The following PXDNL variants were observed in gnomAD, a reference collection of about 807,000 sequenced individuals.
The protein encoded by PXDNL is peroxidasin like.
PXDNL carries 145 observed loss-of-function variants against 150.8 expected under a neutral mutation model. The observed-to-expected ratio is 0.96, with a 90% CI of 0.84 to 1.10. PXDNL has a LOEUF of 1.10. Ranked by LOEUF, PXDNL falls within the 50% of genes least tolerant of loss-of-function variation. PXDNL has a pLI of 0.00. For missense variants in PXDNL, 2,087 were observed against 1,873.9 expected (o/e 1.11, Z -2.10); for synonymous variants, 757 against 725.7 (o/e 1.04, Z -0.69).
At chr8:51,589,790 A>G (rs1046874677) in intron 3 of PXDNL, among the ~76,000 whole-genome samples, 9 of 152,232 alleles carry the variant, frequency 5.9e-5, no homozygotes, top group Non-Finnish European at 8.8e-5. Context: ...ATTTATAATT[A>G]AAAGGTAAAA....
At chr8:51,578,003 A>AAAG (rs1813116462) in intron 3 of PXDNL, among the ~76,000 whole-genome samples, 32 of 62,842 alleles carry the variant, frequency 5.1e-4, no homozygotes, top group South Asian at 1.1e-3. Context: ...AAGAAAGAGG[A>AAAG]AGGAAGGAAG....
intron 4 of PXDNL, among the ~76,000 whole-genome samples, chr8:51,534,974 T>A (rs373829803): frequency 0.19 from 17,348 of 92,266 alleles, 1,371 homozygotes; most frequent in Admixed American, 0.27. Context: ...GGTGGGGGGG[T>A]CAGCCCCCCG....
At chr8:51,718,136 T>C (rs1329375510) in intron 1 of PXDNL, among the ~76,000 whole-genome samples, 2 of 152,010 alleles carry the variant, frequency 1.3e-5, no homozygotes, top group Middle Eastern at 3.2e-3. Context: ...TTGGAAGGAA[T>C]AGGAGCATGG....
intron 2 of PXDNL, among the ~76,000 whole-genome samples, chr8:51,615,906 C>T (rs545836160): frequency 2.0e-5 from 3 of 152,178 alleles, no homozygotes; most frequent in Non-Finnish European, 4.4e-5. Flanking sequence ...GAATGGCCAT[C>T]ACCACGGCAG....
chr8:51,391,913 G>C (rs1302701981), intron 17 of PXDNL, among the ~76,000 whole-genome samples: 1 of 152,158 alleles, frequency 6.6e-6, no homozygotes, highest in East Asian at 1.9e-4. Context: ...ATTAATTTTT[G>C]TATAAGGTGT....
intron 3 of PXDNL, among the ~76,000 whole-genome samples, chr8:51,577,325 C>A (rs187807341): frequency 6.6e-5 from 10 of 151,350 alleles, no homozygotes; most frequent in African/African-American, 2.2e-4. Flanking sequence ...TTCAGGAATA[C>A]AAAAGTAGTT....
intron 2 of PXDNL, among the ~76,000 whole-genome samples, chr8:51,606,127 A>G (rs1291714295): frequency 6.6e-6 from 1 of 152,240 alleles, no homozygotes; most frequent in Non-Finnish European, 1.5e-5. Context: ...TTGTGATAAG[A>G]TTAACTTTCA....
At chr8:51,578,009 GGAAGGAAGGAAGGAAGGA>G (rs1563471270) in intron 3 of PXDNL, among the ~76,000 whole-genome samples, 40 of 86,034 alleles carry the variant, frequency 4.6e-4, no homozygotes, top group African/African-American at 2.4e-3. Context: ...GAGGAAGGAA[GGAAGGAAGGAAGGAAGGA>G]AGGAAGGAAG....
chr8:51,468,921 C>A (rs1307206757), intron 8 of PXDNL, among the ~76,000 whole-genome samples: 1 of 151,920 alleles, frequency 6.6e-6, no homozygotes, highest in Non-Finnish European at 1.5e-5. Flanking sequence ...CCTTAATAAT[C>A]TAAGTGTATT....
intron 1 of PXDNL, among the ~76,000 whole-genome samples, chr8:51,804,460 T>C (rs995802869): frequency 6.6e-6 from 1 of 152,186 alleles, no homozygotes; most frequent in Non-Finnish European, 1.5e-5. Flanking sequence ...TTTTCACTCA[T>C]TTCACTGTCT....
chr8:51,639,747 G>A (rs926022725), intron 2 of PXDNL, among the ~76,000 whole-genome samples: 9 of 151,836 alleles, frequency 5.9e-5, no homozygotes, highest in African/African-American at 2.2e-4. Context: ...GGACCAGATG[G>A]ATTCACAGCC....
At chr8:51,586,031 A>T (rs1050231951) in intron 3 of PXDNL, among the ~76,000 whole-genome samples, 1 of 152,118 alleles carries the variant, frequency 6.6e-6, no homozygotes, top group Non-Finnish European at 1.5e-5. Flanking sequence ...ATGGCAAAAA[A>T]TTCCTCCCAT....
chr8:51,614,369 C>T (rs1281075748), intron 2 of PXDNL, among the ~76,000 whole-genome samples: 1 of 152,212 alleles, frequency 6.6e-6, no homozygotes, highest in Non-Finnish European at 1.5e-5. Context: ...TAACACGCAG[C>T]TGAGTCTCAG....
intron 22 of PXDNL, among the ~76,000 whole-genome samples, chr8:51,320,488 C>T (rs1805283743): frequency 6.6e-6 from 1 of 152,130 alleles, no homozygotes; most frequent in Admixed American, 6.6e-5. Context: ...AACTCAAGTC[C>T]CAGGTTGGCT....
chr8:51,444,262 C>A lies in PXDNL; in HGVS notation c.1525+2742G>T, dbSNP rs192853488. ...GATTTACCCACCATGACTTTTGCAC[C>A]ATCAGCGCAAATTTCAACCCAGTGA... On this transcript the variant is annotated intron_variant, in intron 12 of 22. Coordinates refer to ENST00000356297, the MANE Select transcript of PXDNL (RefSeq NM_144651.5). Among the ~76,000 whole-genome samples the A allele has an allele frequency of 2.8e-3, 422 of 152,132 alleles. 2 individuals carry two copies. The highest frequency in any genetic ancestry group is 4.9e-3 in the Non-Finnish European group (334 of 68,006).
intron 19 of PXDNL, among the ~76,000 whole-genome samples, chr8:51,360,372 T>C (rs980055234): frequency 3.9e-5 from 6 of 152,196 alleles, no homozygotes; most frequent in Non-Finnish European, 5.9e-5. Flanking sequence ...CAATACCTAT[T>C]CATGCATATG....
At chr8:51,722,437 C>T (rs1816749142) in intron 1 of PXDNL, among the ~76,000 whole-genome samples, 1 of 152,228 alleles carries the variant, frequency 6.6e-6, no homozygotes, top group South Asian at 2.1e-4. Flanking sequence ...TCTAGCTTTG[C>T]AGTTCGCAGA....
intron 1 of PXDNL, among the ~76,000 whole-genome samples, chr8:51,736,686 T>C (rs1817045474): frequency 1.3e-5 from 2 of 152,214 alleles, no homozygotes. Context: ...ATACATTATA[T>C]TTTGTGCCCC....
intron 1 of PXDNL, among the ~76,000 whole-genome samples, chr8:51,761,025 ATTTTTTT>A (rs71237238): frequency 5.2e-5 from 6 of 114,492 alleles, no homozygotes; most frequent in South Asian, 2.8e-4. Flanking sequence ...CGCCCGGCTA[ATTTTTTT>A]TTTTTTTTTT....
Sources: allele counts gnomAD v4.1 joint callset (sites outside exome capture counted in the v4.1 genomes callset), GRCh38; gene constraint gnomAD v4.1.1; transcripts MANE v1.5; gene names NCBI Gene and HGNC (gene_info 2026-07-23, HGNC 2026-07-21).